The following ZNF638 variants were observed in gnomAD, a reference collection of about 807,000 sequenced individuals.
ZNF638 encodes the protein CTCL tumor antigen se33-1.
In ZNF638, 46 loss-of-function variants were observed where a neutral mutation model predicts 195.6. The observed-to-expected ratio is 0.24, with a 90% CI of 0.19 to 0.30. ZNF638 has a LOEUF of 0.30. ZNF638 is among the 10% of genes least tolerant of loss of function. The pLI, the probability that ZNF638 is intolerant of heterozygous loss-of-function variation, is 1.00. For synonymous variants in ZNF638, 845 were observed against 772.0 expected (o/e 1.09, Z -1.57); for missense variants, 2,440 against 2,325.3 (o/e 1.05, Z -1.01).
intron 16 of ZNF638, among the ~76,000 whole-genome samples, chr2:71,403,403 T>A (rs1432180379): frequency 6.6e-6 from 1 of 152,152 alleles, no homozygotes; most frequent in Admixed American, 6.5e-5. Flanking sequence ...AGCTACAGTT[T>A]TACACCTATG....
rs750574724 is a variant in ZNF638 at position 71,408,116 on chromosome 2, C to T, written c.3136-6C>T. ...ACTATTCATAACTTTTTAATCTTCT[C>T]CAAAGGCAATTCTTCAGTTAGATAG... On this transcript the variant is annotated splice_region_variant and splice_polypyrimidine_tract_variant and intron_variant, in intron 19 of 27. Coordinates refer to ENST00000264447, the MANE Select transcript of ZNF638 (RefSeq NM_014497.5). The T allele has an allele frequency of 9.4e-6, 15 of 1,601,648 alleles. No individual in the cohort carries two copies. In the Admixed American group the frequency reaches 1.6e-4, roughly 17 times the overall value.
chr2:71,342,399 C>G (rs750002980), intron 1 of ZNF638, among the ~76,000 whole-genome samples: 3 of 151,702 alleles, frequency 2.0e-5, no homozygotes, highest in South Asian at 2.1e-4. Context: ...GCCCCTTGCC[C>G]CACTACACAT....
intron 3 of ZNF638, among the ~76,000 whole-genome samples, chr2:71,356,522 G>A (rs1231588373): frequency 6.6e-6 from 1 of 152,150 alleles, no homozygotes; most frequent in Non-Finnish European, 1.5e-5. Flanking sequence ...TTAGTTGCTG[G>A]CTCATGACTG....
Position 71,349,391 on chromosome 2 carries a change from G to A in ZNF638, c.437G>A (p.Ser146Asn). ...TKESASSILA[S>N]FGLSNEDLEE... ...GAGAGTGCCTCAAGTATCTTAGCAA[G>A]TTTTGGATTATCTAATGAAGACCTA... The change falls in exon 2 of 28, where the codon AGT becomes AAT. Residue 146 changes from serine to asparagine, a missense_variant. Ser to Asn is a conservative substitution (Grantham distance 46). This residue lies in a region of ZNF638 where 24 missense variants were observed against 53.1 expected (regional missense o/e 0.45). Transcript: ENST00000264447. 3 of 1,614,114 alleles carry A rather than the reference G, an allele frequency of 1.9e-6. No homozygotes were observed. The highest frequency in any genetic ancestry group is 2.5e-6 in the Non-Finnish European group (3 of 1,180,038).
rs750155443 is a variant in ZNF638 at position 71,402,020 on chromosome 2, A to T, written c.2762A>T (p.Glu921Val). The T allele has an allele frequency of 1.6e-5, 25 of 1,609,384 alleles. No individual in the cohort carries two copies. Among genetic ancestry groups the T allele is most frequent in the Middle Eastern group, 1.7e-4 (1 of 6,028 alleles). ...NLPNKGYSVEEVYDLAKPFGG... is the reference protein window; with the variant it reads ...NLPNKGYSVEVVYDLAKPFGG... ...CCTAATAAAGGATATTCTGTAGAAG[A>T]AGTTTATGACTTAGCAAAACCATTT... The change falls in exon 16 of 28, where the codon GAA (glutamate) becomes GTA (valine). Residue 921 changes from glutamate to valine, a missense_variant. Physicochemically the swap from Glu to Val is moderately radical, Grantham distance 121. This residue lies in a region of ZNF638 where 1,883 missense variants were observed against 1,739.1 expected (regional missense o/e 1.08). Transcript: ENST00000264447.
intron 23 of ZNF638, among the ~76,000 whole-genome samples, chr2:71,424,993 A>G (rs2080509440): frequency 6.6e-6 from 1 of 152,150 alleles, no homozygotes; most frequent in Admixed American, 6.5e-5. Context: ...AATACCTCCA[A>G]TCTCATATTG....
At position 71,406,744 on chromosome 2, in the gene ZNF638, A is replaced by G. The variant is rs372627382; in HGVS notation, c.3135+482A>G. Reference sequence around the variant, plus strand: ...GCTGGATGCAGTGGCTCACCCCTGTAATCCCAGCACTTTGGGAGGCTGAGG... The same window carrying G: ...GCTGGATGCAGTGGCTCACCCCTGTGATCCCAGCACTTTGGGAGGCTGAGG... On this transcript the variant is annotated intron_variant, in intron 19 of 27. Transcript: ENST00000264447. 3.9e-5 allele frequency among the ~76,000 whole-genome samples: 6 copies of G among 152,186 alleles called. No individual in the cohort carries two copies. The South Asian group carries it at 8.3e-4, about 21-fold the overall frequency.
At chr2:71,408,020 C>T in intron 19 of ZNF638, 102 bp from the exon 20 acceptor site, 1 of 1,064,392 alleles carries the variant, frequency 9.4e-7, no homozygotes, top group Non-Finnish European at 1.3e-6. Context: ...GGCTTTCATT[C>T]CTTTTAGGTG....
intron 17 of ZNF638, among the ~76,000 whole-genome samples, 187 bp from the exon 18 acceptor site, chr2:71,405,414 G>C (rs1398686193): frequency 6.6e-6 from 1 of 152,170 alleles, no homozygotes; most frequent in African/African-American, 2.4e-5. Context: ...AATTGTATGG[G>C]TTAGAATGAG....
Position 71,349,968 on chromosome 2 carries a change from G to A in ZNF638, c.1014G>A (p.Ser338=), listed in dbSNP as rs770206532. The A allele has an allele frequency of 3.3e-5, 53 of 1,613,972 alleles. No individual in the cohort carries two copies. The African/African-American group carries it at 5.2e-4, about 16-fold the overall frequency. ...CATCTATGAACCAGCAACCTTTTTC[G>A]TCGGAATTAATTTCATCTGTAAGCC... ...IPPSMNQQPF[S]SELISSVSQQ... The change falls in exon 2 of 28, where the codon TCG becomes TCA. Residue 338 remains serine, a synonymous_variant. Coordinates refer to ENST00000264447, the MANE Select transcript of ZNF638 (RefSeq NM_014497.5).
intron 1 of ZNF638, chr2:71,348,551 G>C: frequency 8.4e-7 from 1 of 1,184,136 alleles, no homozygotes; most frequent in Non-Finnish European, 1.1e-6. Context: ...CTTGAGGTTT[G>C]GGGCTTGTGT....
chr2:71,378,313 A>G (rs574724235), intron 8 of ZNF638, among the ~76,000 whole-genome samples: 116 of 152,360 alleles, frequency 7.6e-4, no homozygotes, highest in African/African-American at 2.7e-3. Context: ...TTTAAAATTG[A>G]AAATTACCAT....
intron 10 of ZNF638, among the ~76,000 whole-genome samples, chr2:71,384,087 T>C (rs1246984684): frequency 6.6e-6 from 1 of 152,190 alleles, no homozygotes; most frequent in African/African-American, 2.4e-5. Flanking sequence ...AATTCAGATT[T>C]AGATAACATC....
At chr2:71,400,311 T>C (rs2079981089) in intron 14 of ZNF638, 131 bp downstream of exon 14, 1 of 1,049,778 alleles carries the variant, frequency 9.5e-7, no homozygotes, top group Non-Finnish European at 1.4e-6. Context: ...GAATGAAATT[T>C]AAATGTATTT....
rs543877618 is a variant in ZNF638, at chr2:71,424,292, A to T, written c.4524+254A>T. The stretch of plus-strand genomic sequence containing the variant: ...TACAATTTGGAAATAACTGTGGTTT[A>T]AAAAAAAAAAAAAAAAGTCTGCAGT... On this transcript the variant is annotated intron_variant, in intron 22 of 27. Transcript: ENST00000264447. Among the ~76,000 whole-genome samples, 305 of 128,794 alleles carry T rather than the reference A, an allele frequency of 2.4e-3. 4 individuals carry two copies. Among genetic ancestry groups the T allele is most frequent in the African/African-American group, 6.9e-3 (222 of 32,038 alleles). The allele number at this position is 128,794 out of a possible 152,430, so 84.5% of individuals were successfully genotyped here.
intron 27 of ZNF638, among the ~76,000 whole-genome samples, chr2:71,433,930 A>G (rs1299217167): frequency 6.6e-6 from 1 of 152,232 alleles, no homozygotes; most frequent in Non-Finnish European, 1.5e-5. Context: ...GAGGTTACGT[A>G]TCTAAACCCA....
chr2:71,404,168 A>C (rs1220407369), intron 17 of ZNF638, among the ~76,000 whole-genome samples, 170 bp downstream of exon 17: 1 of 152,158 alleles, frequency 6.6e-6, no homozygotes, highest in East Asian at 1.9e-4. Flanking sequence ...CCACTGTTTG[A>C]GAGTTACTTT....
chr2:71,402,237 A>G lies in ZNF638; in HGVS notation c.2829+150A>G, dbSNP rs535786982. 1.0e-5 allele frequency: 8 copies of G among 766,894 alleles called. 1 individual carries two copies. The East Asian group carries it at 1.5e-4, about 15-fold the overall frequency. The allele number at this position is 766,894 out of a possible 1,614,324, so 47.5% of individuals were successfully genotyped here. ...GGATTTTAAAATATAAAACACAGAT[A>G]TCCTGTATTTTAGTATTGTTGTAAC... On this transcript the variant is annotated intron_variant, in intron 16 of 27. Coordinates refer to ENST00000264447, the MANE Select transcript of ZNF638 (RefSeq NM_014497.5).
chr2:71,418,056 A>G (rs2080340944), intron 20 of ZNF638, among the ~76,000 whole-genome samples: 2 of 152,194 alleles, frequency 1.3e-5, no homozygotes, highest in South Asian at 2.1e-4. Flanking sequence ...CTTGCCATAT[A>G]GGGACTGATT....
Sources: allele counts gnomAD v4.1 joint callset (sites outside exome capture counted in the v4.1 genomes callset), GRCh38; gene constraint gnomAD v4.1.1; regional missense constraint gnomAD v4.1.1; transcripts MANE v1.5; gene names NCBI Gene and HGNC (gene_info 2026-07-23, HGNC 2026-07-21).